Variants in FRAS1 observed in about 807,000 individuals in gnomAD.
FRAS1 encodes the protein extracellular matrix organizing protein FRAS1.
FRAS1 carries 290 observed loss-of-function variants against 435.2 expected under a neutral mutation model. That is an observed-to-expected ratio of 0.67 (90% CI 0.61 to 0.73). The LOEUF is 0.73. Among genes scored for constraint, FRAS1 ranks in the 30% least tolerant of loss-of-function variants. FRAS1 has a pLI of 0.00. For missense variants in FRAS1, 4,860 were observed against 5,001.5 expected (o/e 0.97, Z 0.85); for synonymous variants, 1,800 against 1,851.0 (o/e 0.97, Z 0.71).
chr4:78,094,967 A>C (rs1368247823), intron 2 of FRAS1, among the ~76,000 whole-genome samples: 2 of 152,222 alleles, frequency 1.3e-5, no homozygotes, highest in Non-Finnish European at 2.9e-5. Context: ...CAAACCAGAA[A>C]GAATGAATTT....
chr4:78,244,106 T>C (rs1014072526), intron 3 of FRAS1, among the ~76,000 whole-genome samples: 1 of 152,228 alleles, frequency 6.6e-6, no homozygotes, highest in Non-Finnish European at 1.5e-5. Flanking sequence ...ACTTTATTGA[T>C]GTATTTATCT....
At chr4:78,282,799 G>T in intron 11 of FRAS1, 21 bp from the exon 12 acceptor site, 1 of 1,612,334 alleles carries the variant, frequency 6.2e-7, no homozygotes, top group Non-Finnish European at 8.5e-7. Flanking sequence ...TGACAATGCT[G>T]TTCTTCACTT....
At chr4:78,117,776 C>G (rs1312205970) in intron 2 of FRAS1, among the ~76,000 whole-genome samples, 2 of 152,244 alleles carry the variant, frequency 1.3e-5, no homozygotes, top group East Asian at 1.9e-4. Context: ...TGGGTTCGAA[C>G]TTCCTCCTTT....
intron 59 of FRAS1, among the ~76,000 whole-genome samples, chr4:78,489,553 T>C (rs754802549): frequency 1.3e-5 from 2 of 152,174 alleles, no homozygotes; most frequent in Non-Finnish European, 2.9e-5. Context: ...AGTGCACCCA[T>C]GCAGTTTGAA....
chr4:78,266,926 A>T lies in FRAS1; in HGVS notation c.780A>T (p.Arg260Ser), dbSNP rs183843273. 6.2e-6 allele frequency: 10 copies of T among 1,602,994 alleles called. No individual in the cohort carries two copies. The African/African-American group carries it at 1.1e-4, about 17-fold the overall frequency. The change falls in exon 8 of 74, where the codon AGA becomes AGT. Residue 260 changes from arginine (R) to serine (S), a missense_variant. Arg to Ser is a moderately radical substitution (Grantham distance 110). Coordinates refer to ENST00000512123, the MANE Select transcript of FRAS1 (RefSeq NM_025074.7). ...ACAAGCAGGCCTGCCTGCCCCTGAG[A>T]TGCGGAAAGGTATTTGAGAGTGTGT... Reference protein sequence around the residue: ...RCHKQACLPLRCGKGQSRARR... With the variant: ...RCHKQACLPLSCGKGQSRARR...
At chr4:78,206,029 C>G (rs192033285) in intron 2 of FRAS1, among the ~76,000 whole-genome samples, 3 of 152,234 alleles carry the variant, frequency 2.0e-5, no homozygotes, top group Admixed American at 6.5e-5. Flanking sequence ...AACATGCTAC[C>G]TGTGACAGGG....
rs756919344 is a variant in FRAS1, at chr4:78,379,762, C to T, written c.3329C>T (p.Ser1110Phe). 2.9e-5 allele frequency: 46 copies of T among 1,613,468 alleles called. No homozygotes were observed. Among genetic ancestry groups the T allele is most frequent in the Admixed American group, 8.3e-5 (5 of 59,954 alleles). Residue 1110 changes from serine (S) to phenylalanine (F), a missense_variant, in exon 27 of 74, where the codon TCC becomes TTC. Ser to Phe is a radical substitution (Grantham distance 155, BLOSUM62 -2). Transcript: ENST00000512123. The stretch of plus-strand genomic sequence containing the variant: ...ACCCCTAGTCTTCATGTGAATGGTT[C>T]CCTGATCCTCCCAATTGGTTCAATA... ...IHTPSLHVNG[S>F]LILPIGSIKP...
Position 78,135,447 on chromosome 4 carries a change from T to C in FRAS1, c.108+69431T>C, listed in dbSNP as rs1456326301. On this transcript the variant is annotated intron_variant, in intron 2 of 73. Coordinates refer to ENST00000512123, the MANE Select transcript of FRAS1 (RefSeq NM_025074.7). Reference sequence around the variant, plus strand: ...CATCATTTGAAATTATTAATGACAGTTACAAACTGATCTGCAGAGAAAGCA... The same window carrying C: ...CATCATTTGAAATTATTAATGACAGCTACAAACTGATCTGCAGAGAAAGCA... Among the ~76,000 whole-genome samples, 3 of 152,290 alleles carry C rather than the reference T, an allele frequency of 2.0e-5. No individual in the cohort carries two copies. In the East Asian group the frequency reaches 5.8e-4, roughly 29 times the overall value.
chr4:78,244,024 T>C (rs943821121), intron 3 of FRAS1, among the ~76,000 whole-genome samples: 9 of 152,166 alleles, frequency 5.9e-5, no homozygotes, highest in African/African-American at 2.2e-4. Flanking sequence ...TATTGCATAG[T>C]ATGTATAATT....
rs1378866425 is a variant in FRAS1, at chr4:78,473,558, T to C, written c.7643T>C (p.Phe2548Ser). The change falls in exon 53 of 74, where the codon TTC (phenylalanine) becomes TCC (serine). Residue 2548 changes from phenylalanine to serine, a missense_variant. By Grantham distance (155) the Phe-to-Ser change is radical. Coordinates refer to ENST00000512123, the MANE Select transcript of FRAS1 (RefSeq NM_025074.7). ...SKPNVVSDNV[F>S]HIQWSLISFK... ...CCCAATGTGGTCAGCGACAATGTCT[T>C]CCATATCCAGTGGTCACTCATCAGC... is the stretch of plus-strand genomic sequence containing the variant. The C allele has an allele frequency of 6.2e-7, 1 of 1,611,236 alleles. No individual in the cohort carries two copies. Among genetic ancestry groups the C allele is most frequent in the African/African-American group, 1.3e-5 (1 of 74,932 alleles).
At chr4:78,078,658 CAA>C (rs1471117604) in intron 2 of FRAS1, among the ~76,000 whole-genome samples, 1 of 151,592 alleles carries the variant, frequency 6.6e-6, no homozygotes, top group African/African-American at 2.4e-5. Context: ...TAATTAAGAA[CAA>C]AAAAATTTAA....
intron 69 of FRAS1, among the ~76,000 whole-genome samples, chr4:78,525,063 C>T (rs894589229): frequency 6.6e-6 from 1 of 152,040 alleles, no homozygotes. Context: ...ATGGAGTGAG[C>T]AGGGAAGAGA....
At chr4:78,311,054 T>C (rs1209012059) in intron 15 of FRAS1, among the ~76,000 whole-genome samples, 1 of 152,212 alleles carries the variant, frequency 6.6e-6, no homozygotes, top group African/African-American at 2.4e-5. Flanking sequence ...GGAAACCTCC[T>C]CATTCTTTTA....
rs561458103 is a variant in FRAS1 at position 78,408,338 on chromosome 4, A to T, written c.4308+497A>T. 2.6e-5 allele frequency among the ~76,000 whole-genome samples: 4 copies of T among 152,294 alleles called. No homozygotes were observed. The South Asian group carries it at 8.3e-4, about 32-fold the overall frequency. ...ATCAGTGGAATTCCCTACAAAATAT[A>T]ATTCATAGCATTAGGAGTTTTTTTA... On this transcript the variant is annotated intron_variant, in intron 31 of 73. Transcript: ENST00000512123.
intron 27 of FRAS1, 22 bp from the exon 28 acceptor site, chr4:78,384,037 C>G (rs1249585960): frequency 6.5e-7 from 1 of 1,548,726 alleles, no homozygotes; most frequent in African/African-American, 1.4e-5. Context: ...TTTTCTTATT[C>G]CTTTCTTTGG....
Position 78,430,403 on chromosome 4 carries a change from G to A in FRAS1, c.4955G>A (p.Arg1652Lys), listed in dbSNP as rs1313029408. The change falls in exon 37 of 74, where the codon AGG (arginine) becomes AAG (lysine). Residue 1652 changes from arginine to lysine, a missense_variant. By Grantham distance (26) the Arg-to-Lys change is conservative. Coordinates refer to ENST00000512123, the MANE Select transcript of FRAS1 (RefSeq NM_025074.7). ...CTTAAGCATACAGCTGAGTTCCGAA[G>A]GCCGATGGCCACAGGTAGCTACACA... ...VLLKHTAEFR[R>K]PMATGDTFTY... 23 of 1,613,098 alleles carry A rather than the reference G, an allele frequency of 1.4e-5. No individual in the cohort carries two copies. The highest frequency in any genetic ancestry group is 1.9e-5 in the Non-Finnish European group (23 of 1,179,552).
At chr4:78,492,394 A>G (rs1465906988) in intron 59 of FRAS1, among the ~76,000 whole-genome samples, 1 of 152,240 alleles carries the variant, frequency 6.6e-6, no homozygotes, top group Admixed American at 6.5e-5. Context: ...ACTTCAAACT[A>G]TACTACAAGT....
At chr4:78,065,058 G>GTATATATATATATA (rs34023994) in intron 1 of FRAS1, among the ~76,000 whole-genome samples, 9 of 119,890 alleles carry the variant, frequency 7.5e-5, no homozygotes, top group Admixed American at 3.5e-4. Flanking sequence ...GTTTTATAGT[G>GTATATATATATATA]TATATATATA....
At chr4:78,306,819 T>C (rs1728741269) in intron 14 of FRAS1, among the ~76,000 whole-genome samples, 1 of 152,230 alleles carries the variant, frequency 6.6e-6, no homozygotes, top group Non-Finnish European at 1.5e-5. Flanking sequence ...AATGTCCTCC[T>C]GTAGCTTGGA....
Sources: gnomAD v4.1 joint callset for allele counts (sites outside exome capture counted in the v4.1 genomes callset) on GRCh38, gnomAD v4.1.1 for gene constraint, MANE v1.5 for transcripts, NCBI Gene and HGNC (gene_info 2026-07-23, HGNC 2026-07-21) for gene names.